TRPM2: variants seen among roughly 807,000 people sequenced by gnomAD.
TRPM2 encodes estrogen-responsive element-associated gene 1 protein.
A neutral mutation model predicts 174.0 loss-of-function variants in TRPM2; 161 were observed. The observed-to-expected ratio is 0.93, with a 90% CI of 0.81 to 1.05. The LOEUF is 1.05. TRPM2 is among the 50% of genes least tolerant of loss of function. TRPM2 has a pLI of 0.00. For synonymous variants in TRPM2, 954 were observed against 861.3 expected (o/e 1.11, Z -1.88); for missense variants, 2,057 against 2,038.0 (o/e 1.01, Z -0.18).
rs751486241 is a variant in TRPM2, at chr21:44,424,867, C to G, written c.3565C>G (p.Gln1189Glu). The G allele has an allele frequency of 1.0e-5, 16 of 1,603,486 alleles. No individual in the cohort carries two copies. Among genetic ancestry groups the G allele is most frequent in the Non-Finnish European group, 1.4e-5 (16 of 1,175,964 alleles). The part of the protein sequence containing the change: ...SLEEQVAQTA[Q>E]ALHWIVRTLR... ...TGCCTTCCAGGTGGCCCAGACAGCC[C>G]AAGCCCTGCACTGGATCGTGAGGAC... Residue 1189 changes from glutamine (Q) to glutamate (E), a missense_variant, in exon 24 of 32, where the codon CAA (glutamine) becomes GAA (glutamate). Gln to Glu is a conservative substitution (Grantham distance 29). Coordinates refer to ENST00000397928, the MANE Select transcript of TRPM2 (RefSeq NM_003307.4).
intron 27 of TRPM2, among the ~76,000 whole-genome samples, chr21:44,434,898 A>T (rs2051175337): frequency 1.3e-5 from 2 of 152,080 alleles, no homozygotes; most frequent in East Asian, 3.9e-4. Context: ...GCTCCCAGGG[A>T]GACCCTTCCC....
chr21:44,427,451 C>T (rs976611396), intron 27 of TRPM2, among the ~76,000 whole-genome samples: 10 of 152,162 alleles, frequency 6.6e-5, no homozygotes, highest in East Asian at 3.9e-4. Flanking sequence ...GGAGGGGACA[C>T]GGAGATGGGC....
At chr21:44,417,525 C>T (rs1318249324) in intron 20 of TRPM2, among the ~76,000 whole-genome samples, 1 of 109,672 alleles carries the variant, frequency 9.1e-6, no homozygotes, top group Non-Finnish European at 1.8e-5. Context: ...CTCTCTGTGG[C>T]ATCATAGTGG....
At chr21:44,365,674 C>T (rs909620274) in intron 3 of TRPM2, among the ~76,000 whole-genome samples, 1 of 152,192 alleles carries the variant, frequency 6.6e-6, no homozygotes, top group Non-Finnish European at 1.5e-5. Context: ...CTCCCCCAAC[C>T]CCCCGGCTTC....
intron 29 of TRPM2, 33 bp downstream of exon 29, chr21:44,437,200 T>C (rs2051305924): frequency 6.6e-7 from 1 of 1,522,784 alleles, no homozygotes. Flanking sequence ...CTCTGTCCAC[T>C]GGGCTGTCTG....
chr21:44,437,001 G>A lies in TRPM2; in HGVS notation c.4062-61G>A, dbSNP rs370505549. On this transcript the variant is annotated intron_variant, in intron 28 of 31. Transcript: ENST00000397928. ...CCCCAGGCAGGGCCAGCCCCGCCGC[G>A]GCGCAGGGGAGGGTGGAGGCCGCAG... 106 of 1,475,798 alleles carry A rather than the reference G, an allele frequency of 7.2e-5. 1 individual carries two copies. In the South Asian group the frequency reaches 7.8e-4, roughly 11 times the overall value. The allele number at this position is 1,475,798 out of a possible 1,614,324, so 91.4% of individuals were successfully genotyped here.
intron 27 of TRPM2, among the ~76,000 whole-genome samples, chr21:44,427,520 A>G (rs45449091): frequency 0.02 from 2,971 of 152,252 alleles, 99 homozygotes; most frequent in African/African-American, 0.067. Flanking sequence ...TCCCCACAGG[A>G]TCGGCGCTGC....
chr21:44,439,108 G>A lies in TRPM2; in HGVS notation c.4209G>A (p.Lys1403=), dbSNP rs993113331. 6.2e-7 allele frequency: 1 copy of A among 1,613,666 alleles called. No homozygotes were observed. Among genetic ancestry groups the A allele is most frequent in the African/African-American group, 1.3e-5 (1 of 74,934 alleles). The change falls in exon 30 of 32, where the codon AAG becomes AAA. Residue 1403 remains lysine (K), a synonymous_variant. Coordinates refer to ENST00000397928, the MANE Select transcript of TRPM2 (RefSeq NM_003307.4). This position sits in a 1 kb window ranked among gnomAD's most constrained non-coding sequence, Gnocchi z 5.1. The part of the protein sequence containing the change: ...EPGEMLPRKL[K]RILRQEHWPS... ...GGGAGATGCTACCTCGGAAGCTGAA[G>A]CGGATCCTCCGGCAGGAGCACTGGC...
In TRPM2 at chr21:44,418,398, CT is replaced by C. The variant is rs376191378; in HGVS notation, c.3329-24del. On this transcript the variant is annotated intron_variant, in intron 21 of 31. Transcript: ENST00000397928. ...CCACCTCCTGAGGATTCCAGGTCCC[CT>C]GGTCTGTCCGCCCACCCTGACAGAG... is the stretch of plus-strand genomic sequence containing the variant. 43 of 1,612,190 alleles carry C rather than the reference CT, an allele frequency of 2.7e-5. No homozygotes were observed. In the East Asian group the frequency reaches 9.4e-4, roughly 35 times the overall value.
In TRPM2 at chr21:44,391,740, C is replaced by G; in HGVS notation, c.1794+115C>G. On this transcript the variant is annotated intron_variant, in intron 11 of 31. Transcript: ENST00000397928. The surrounding 1 kb of genome is among the most constrained non-coding windows in gnomAD (Gnocchi z 5.0). ...ATTTTTATTAGAAAAGACACATGCTCTATCTTAGGCTGCTTGGGCTGCTGT... is the reference window on the plus strand; with the variant it reads ...ATTTTTATTAGAAAAGACACATGCTGTATCTTAGGCTGCTTGGGCTGCTGT... 1.0e-6 allele frequency: 1 copy of G among 988,636 alleles called. No homozygotes were observed. Among genetic ancestry groups the G allele is most frequent in the Non-Finnish European group, 1.4e-6 (1 of 698,418 alleles). 61.2% of individuals were successfully genotyped at this position (988,636 alleles called of 1,614,324 possible).
intron 5 of TRPM2, among the ~76,000 whole-genome samples, chr21:44,375,130 G>A (rs753143405): frequency 6.6e-5 from 10 of 152,134 alleles, no homozygotes; most frequent in Non-Finnish European, 1.3e-4. Context: ...GGCTGGTCTC[G>A]AACTCCAGGG....
Position 44,406,744 on chromosome 21 carries a change from C to A in TRPM2, c.2941C>A (p.Gln981Lys). Residue 981 changes from glutamine to lysine, a missense_variant, in exon 19 of 32, where the codon CAG becomes AAG. Gln to Lys is a moderately conservative substitution (Grantham distance 53). Coordinates refer to ENST00000397928, the MANE Select transcript of TRPM2 (RefSeq NM_003307.4). ...VYHSYLTIFGQIPGYIDGVNF... is the reference protein window; with the variant it reads ...VYHSYLTIFGKIPGYIDGVNF... Reference sequence around the variant, plus strand: ...CCACTCCTACCTCACCATCTTCGGGCAGATCCCGGGCTACATCGACGGTAG... The same window carrying A: ...CCACTCCTACCTCACCATCTTCGGGAAGATCCCGGGCTACATCGACGGTAG... The A allele has an allele frequency of 1.2e-6, 2 of 1,606,312 alleles. No homozygotes were observed. The highest frequency in any genetic ancestry group is 2.7e-5 in the African/African-American group (2 of 74,848).
chr21:44,419,195 A>C (rs1318496922), intron 22 of TRPM2, among the ~76,000 whole-genome samples: 1 of 152,042 alleles, frequency 6.6e-6, no homozygotes, highest in East Asian at 1.9e-4. Flanking sequence ...TGAGAGGAGG[A>C]GGGGGAAATG....
At chr21:44,383,064 G>T (rs114794557) in intron 9 of TRPM2, among the ~76,000 whole-genome samples, 13 of 152,270 alleles carry the variant, frequency 8.5e-5, no homozygotes, top group African/African-American at 2.9e-4. Context: ...TTTTACCTTT[G>T]TAGTGGTCAT....
At chr21:44,430,950 T>C (rs907898652) in intron 27 of TRPM2, among the ~76,000 whole-genome samples, 2 of 141,080 alleles carry the variant, frequency 1.4e-5, no homozygotes, top group African/African-American at 4.9e-5. Context: ...TGATATTTAT[T>C]ATGTATTTCT....
rs145144953 is a variant in TRPM2, at chr21:44,377,741, G to A, written c.982G>A (p.Val328Met). 9.9e-6 allele frequency: 16 copies of A among 1,614,082 alleles called. No individual in the cohort carries two copies. The highest frequency in any genetic ancestry group is 5.0e-5 in the Admixed American group (3 of 60,014). Reference protein sequence around the residue: ...GVAIKIPIVCVVLEGGPGTLH... With the variant: ...GVAIKIPIVCMVLEGGPGTLH... ...GGCCATCAAGATCCCCATCGTGTGCGTGGTGCTGGAGGGCGGCCCGGGCAC... is the reference window on the plus strand; with the variant it reads ...GGCCATCAAGATCCCCATCGTGTGCATGGTGCTGGAGGGCGGCCCGGGCAC... The change falls in exon 7 of 32, where the codon GTG becomes ATG. Residue 328 changes from valine (V) to methionine (M), a missense_variant. Coordinates refer to ENST00000397928, the MANE Select transcript of TRPM2 (RefSeq NM_003307.4).
chr21:44,370,271 A>G (rs952177446), intron 5 of TRPM2, among the ~76,000 whole-genome samples: 4 of 152,088 alleles, frequency 2.6e-5, no homozygotes, highest in African/African-American at 7.2e-5. Context: ...TAGCACTTTG[A>G]GTCCCTGTAC....
chr21:44,413,335 C>T (rs1048582107), intron 19 of TRPM2, among the ~76,000 whole-genome samples: 5 of 151,532 alleles, frequency 3.3e-5, no homozygotes, highest in African/African-American at 9.7e-5. Context: ...ACCTCCCTCC[C>T]GGATTCAAGT....
At chr21:44,431,216 A>T (rs959891041) in intron 27 of TRPM2, among the ~76,000 whole-genome samples, 1 of 152,036 alleles carries the variant, frequency 6.6e-6, no homozygotes, top group African/African-American at 2.4e-5. Context: ...GGTAGGCTGT[A>T]ACCCTTAAAT....
Sources: gnomAD v4.1 joint callset for allele counts (sites outside exome capture counted in the v4.1 genomes callset) on GRCh38, gnomAD v4.1.1 for gene constraint, Gnocchi (gnomAD v3.1) non-coding constraint, MANE v1.5 for transcripts, NCBI Gene and HGNC (gene_info 2026-07-23, HGNC 2026-07-21) for gene names.